PRKAG2: variants seen among roughly 807,000 people sequenced by gnomAD.
PRKAG2 encodes protein kinase AMP-activated non-catalytic subunit gamma 2.
PRKAG2 carries 26 observed loss-of-function variants against 69.6 expected under a neutral mutation model. The observed-to-expected ratio is 0.37, with a 90% CI of 0.27 to 0.52. PRKAG2 has a LOEUF of 0.52. Among genes scored for constraint, PRKAG2 ranks in the 20% least tolerant of loss-of-function variants. The pLI, the probability that PRKAG2 is intolerant of heterozygous loss-of-function variation, is 0.90. For synonymous variants in PRKAG2, 293 were observed against 285.0 expected (o/e 1.03, Z -0.28); for missense variants, 557 against 740.0 (o/e 0.75, Z 2.87).
chr7:151,590,502 C>T (rs764725039), intron 6 of PRKAG2, among the ~76,000 whole-genome samples: 4 of 152,214 alleles, frequency 2.6e-5, no homozygotes, highest in Non-Finnish European at 4.4e-5. Flanking sequence ...AGCTGAGATT[C>T]CAGATTCGGG....
At chr7:151,593,225 T>C (rs2151124319) in intron 6 of PRKAG2, among the ~76,000 whole-genome samples, 1 of 152,366 alleles carries the variant, frequency 6.6e-6, no homozygotes, top group Non-Finnish European at 1.5e-5. Context: ...TCTTGCTCTG[T>C]CATCCAGGCT....
At chr7:151,584,861 T>C (rs1811283583) in intron 6 of PRKAG2, among the ~76,000 whole-genome samples, 1 of 152,162 alleles carries the variant, frequency 6.6e-6, no homozygotes, top group African/African-American at 2.4e-5. Context: ...TGCACTACCA[T>C]ACTCCAGCCT....
intron 1 of PRKAG2, among the ~76,000 whole-genome samples, chr7:151,792,644 T>C (rs1415232912): frequency 6.6e-6 from 1 of 152,138 alleles, no homozygotes; most frequent in East Asian, 1.9e-4. Flanking sequence ...AGAGTGCAAA[T>C]ACAGGACAAA....
intron 3 of PRKAG2, among the ~76,000 whole-genome samples, chr7:151,732,799 TCTC>T (rs1468815967): frequency 4.6e-5 from 7 of 152,038 alleles, no homozygotes; most frequent in Non-Finnish European, 2.9e-5. Context: ...TTTCAGCAAT[TCTC>T]CTGTCTCAGC....
intron 1 of PRKAG2, among the ~76,000 whole-genome samples, chr7:151,863,674 G>A (rs9640179): frequency 0.28 from 42,971 of 152,092 alleles, 6,917 homozygotes; most frequent in East Asian, 0.43. Flanking sequence ...TTAGCACTTT[G>A]GAAGGCCACC....
chr7:151,746,484 G>T (rs1024048781), intron 3 of PRKAG2, among the ~76,000 whole-genome samples: 14 of 152,238 alleles, frequency 9.2e-5, no homozygotes, highest in African/African-American at 3.4e-4. Context: ...CCATAAGAGA[G>T]ACCATTTTAC....
intron 5 of PRKAG2, among the ~76,000 whole-genome samples, chr7:151,616,034 C>T (rs1820054761): frequency 1.3e-5 from 2 of 152,170 alleles, no homozygotes; most frequent in African/African-American, 4.8e-5. Flanking sequence ...AGTTGTGGGG[C>T]CCTGACTTAG....
At chr7:151,661,897 G>A (rs534014519) in intron 4 of PRKAG2, among the ~76,000 whole-genome samples, 5 of 152,290 alleles carry the variant, frequency 3.3e-5, no homozygotes, top group South Asian at 2.1e-4. Context: ...AGGATACCTC[G>A]CCAGCTAAAG....
At chr7:151,579,244 A>ACTCCTGGGCTTAAGTGATC (rs1809772797) in intron 6 of PRKAG2, among the ~76,000 whole-genome samples, 1 of 151,892 alleles carries the variant, frequency 6.6e-6, no homozygotes, top group Non-Finnish European at 1.5e-5. Flanking sequence ...CTGGTCTCAA[A>ACTCCTGGGCTTAAGTGATC]CTCCTGGGCT....
Position 151,628,451 on chromosome 7 carries a change from C to T in PRKAG2, c.754+3618G>A, listed in dbSNP as rs146490688. Among the ~76,000 whole-genome samples the T allele has an allele frequency of 3.2e-3, 493 of 152,318 alleles. 3 individuals are homozygous for T. Among genetic ancestry groups the T allele is most frequent in the Non-Finnish European group, 5.7e-3 (385 of 68,026 alleles). ...TGCTGGCTGGGCACCGTGGTTCATG[C>T]CTGTAGGTCCCAGTAGTTAGGGAGA... On this transcript the variant is annotated intron_variant, in intron 5 of 15. Coordinates refer to ENST00000287878, the MANE Select transcript of PRKAG2 (RefSeq NM_016203.4).
chr7:151,856,347 A>G (rs1202485766), intron 1 of PRKAG2, among the ~76,000 whole-genome samples: 4 of 152,246 alleles, frequency 2.6e-5, no homozygotes, highest in African/African-American at 9.6e-5. Flanking sequence ...CCGAGGACGC[A>G]AGCACAGGTG....
chr7:151,712,180 G>A (rs762390721), intron 3 of PRKAG2, among the ~76,000 whole-genome samples: 1 of 152,196 alleles, frequency 6.6e-6, no homozygotes, highest in African/African-American at 2.4e-5. Flanking sequence ...CCACCCTCAC[G>A]TGCCCTCCTG....
Position 151,595,467 on chromosome 7 carries a change from A to C in PRKAG2, c.755-13T>G, listed in dbSNP as rs1219696291. ...GAGTCTTCTACTGCTAAAAGAAAAA[A>C]AGGCAAAACATCAGTAATAATAAAG... On this transcript the variant is annotated splice_polypyrimidine_tract_variant and intron_variant, in intron 5 of 15. Coordinates refer to ENST00000287878, the MANE Select transcript of PRKAG2 (RefSeq NM_016203.4). The C allele has an allele frequency of 1.3e-6, 2 of 1,555,338 alleles. No homozygotes were observed. The highest frequency in any genetic ancestry group is 2.7e-5 in the African/African-American group (2 of 73,674).
chr7:151,712,677 G>C (rs941693571), intron 3 of PRKAG2, among the ~76,000 whole-genome samples: 1 of 152,258 alleles, frequency 6.6e-6, no homozygotes, highest in Non-Finnish European at 1.5e-5. Flanking sequence ...AAAAGGGAGT[G>C]CATGCAGAGT....
intron 3 of PRKAG2, among the ~76,000 whole-genome samples, chr7:151,685,363 A>C (rs2727554): frequency 0.43 from 64,683 of 152,060 alleles, 14,435 homozygotes; most frequent in Non-Finnish European, 0.49. Flanking sequence ...TGGTAGACAA[A>C]TATTTCAGCT....
At chr7:151,704,919 AC>A (rs953709662) in intron 3 of PRKAG2, among the ~76,000 whole-genome samples, 1 of 152,202 alleles carries the variant, frequency 6.6e-6, no homozygotes, top group African/African-American at 2.4e-5. Flanking sequence ...TGGACAGACC[AC>A]GTCCCCAAAA....
chr7:151,822,673 G>C (rs1410839166), intron 1 of PRKAG2, among the ~76,000 whole-genome samples: 1 of 152,176 alleles, frequency 6.6e-6, no homozygotes, highest in Non-Finnish European at 1.5e-5. Context: ...GCTTCCAGTG[G>C]TGGCAGGTGG....
Position 151,701,842 on chromosome 7 carries a change from C to CAAAAAAAA in PRKAG2, c.467-26213_467-26206dup, listed in dbSNP as rs71533538. 1.9e-3 allele frequency among the ~76,000 whole-genome samples: 173 copies of CAAAAAAAA among 92,472 alleles called. 6 individuals carry two copies. Among genetic ancestry groups the CAAAAAAAA allele is most frequent in the South Asian group, 6.1e-3 (18 of 2,968 alleles). The allele number at this position is 92,472 out of a possible 152,430, so 60.7% of individuals were successfully genotyped here. A position where few individuals can be genotyped will look rare whatever the true frequency, so the allele number is the denominator to read the frequency against. On this transcript the variant is annotated intron_variant, in intron 3 of 15. Transcript: ENST00000287878. ...TGGGCGACAGAGCGAGACTCTGTCT[C>CAAAAAAAA]AAAAAAAAAAAAAAAAGAATAAGGA...
intron 8 of PRKAG2, among the ~76,000 whole-genome samples, 164 bp from the exon 9 acceptor site, chr7:151,572,873 G>C (rs913671463): frequency 2.0e-5 from 3 of 152,186 alleles, no homozygotes; most frequent in Admixed American, 2.0e-4. Context: ...AGCACTTTGG[G>C]AGATCAAGGT....
Sources: allele counts gnomAD v4.1 joint callset (sites outside exome capture counted in the v4.1 genomes callset), GRCh38; gene constraint gnomAD v4.1.1; transcripts MANE v1.5; gene names NCBI Gene and HGNC (gene_info 2026-07-23, HGNC 2026-07-21).